The following RALGPS1 variants were observed in gnomAD, a reference collection of about 807,000 sequenced individuals.
RALGPS1 encodes Ral GEF with PH domain and SH3 binding motif 1, also known as ras-specific guanine nucleotide-releasing factor RalGPS1.
RALGPS1 carries 19 observed loss-of-function variants against 78.8 expected under a neutral mutation model. The observed-to-expected ratio is 0.24, with a 90% CI of 0.17 to 0.35. The LOEUF is 0.35. Ranked by LOEUF, RALGPS1 falls within the 10% of genes least tolerant of loss-of-function variation. The pLI is 1.00. For synonymous variants in RALGPS1, 228 were observed against 256.3 expected (o/e 0.89, Z 1.06); for missense variants, 454 against 688.3 (o/e 0.66, Z 3.81).
intron 8 of RALGPS1, chr9:127,107,810 C>A: frequency 8.2e-7 from 1 of 1,223,410 alleles, no homozygotes; most frequent in Non-Finnish European, 1.1e-6. Flanking sequence ...TGTCTTTGGC[C>A]TGGCTTCAAC....
chr9:127,215,483 AT>A (rs1337994358), intron 18 of RALGPS1, among the ~76,000 whole-genome samples: 2 of 152,202 alleles, frequency 1.3e-5, no homozygotes, highest in African/African-American at 2.4e-5. Context: ...TGTGAGGTAG[AT>A]TCTCTTACTG....
chr9:127,206,039 C>T (rs2061912868), intron 14 of RALGPS1, among the ~76,000 whole-genome samples: 1 of 152,306 alleles, frequency 6.6e-6, no homozygotes, highest in Non-Finnish European at 1.5e-5. Flanking sequence ...GAAGGGACAA[C>T]CCAGGGCCCA....
At chr9:126,963,098 G>T (rs1215246089) in intron 2 of RALGPS1, among the ~76,000 whole-genome samples, 1 of 152,208 alleles carries the variant, frequency 6.6e-6, no homozygotes, top group East Asian at 1.9e-4. Flanking sequence ...TTTAAGTAAA[G>T]CTGTTGCTGC....
At chr9:127,097,028 A>G (rs1208069086) in intron 8 of RALGPS1, among the ~76,000 whole-genome samples, 1 of 152,166 alleles carries the variant, frequency 6.6e-6, no homozygotes, top group East Asian at 1.9e-4. Flanking sequence ...TTTTCCCCCA[A>G]CCAGAACGAA....
At chr9:127,190,861 A>G (rs549907254) in intron 11 of RALGPS1, among the ~76,000 whole-genome samples, 2 of 152,358 alleles carry the variant, frequency 1.3e-5, no homozygotes, top group East Asian at 1.9e-4. Context: ...GCCCCAAACT[A>G]GAGTTCCTGT....
chr9:127,118,599 G>A (rs951838446), intron 8 of RALGPS1, among the ~76,000 whole-genome samples: 2 of 152,178 alleles, frequency 1.3e-5, no homozygotes, highest in African/African-American at 4.8e-5. Context: ...CTGACCCCCA[G>A]TTTCCACTTC....
At chr9:127,154,001 G>A (rs2058575743) in intron 8 of RALGPS1, among the ~76,000 whole-genome samples, 1 of 152,224 alleles carries the variant, frequency 6.6e-6, no homozygotes, top group Non-Finnish European at 1.5e-5. Context: ...AGTAGGTGTA[G>A]GCAGGCCTTC....
intron 5 of RALGPS1, among the ~76,000 whole-genome samples, chr9:127,041,548 G>A (rs1310891412): frequency 6.6e-6 from 1 of 152,122 alleles, no homozygotes; most frequent in Non-Finnish European, 1.5e-5. Context: ...TAGTATGTGT[G>A]TAGTAATCTT....
At chr9:127,137,743 A>G (rs2057498578) in intron 8 of RALGPS1, among the ~76,000 whole-genome samples, 1 of 152,210 alleles carries the variant, frequency 6.6e-6, no homozygotes, top group Admixed American at 6.5e-5. Flanking sequence ...GGGGAGATAC[A>G]TGGCGTGAGC....
chr9:126,966,543 GC>G (rs2039518282), intron 3 of RALGPS1, among the ~76,000 whole-genome samples: 1 of 127,162 alleles, frequency 7.9e-6, no homozygotes, highest in East Asian at 2.3e-4. Flanking sequence ...AAAAAAAAAA[GC>G]ATGTACAACA....
intron 8 of RALGPS1, among the ~76,000 whole-genome samples, chr9:127,156,289 G>A (rs533361915): frequency 5.9e-5 from 9 of 152,262 alleles, no homozygotes; most frequent in Admixed American, 2.0e-4. Context: ...ATTTGTAGTA[G>A]TATTGCTGTA....
intron 3 of RALGPS1, among the ~76,000 whole-genome samples, chr9:126,972,629 G>A (rs10819258): frequency 1.3e-5 from 2 of 152,090 alleles, no homozygotes; most frequent in African/African-American, 4.8e-5. Context: ...TCCAGCTGCT[G>A]ATTTGCAGAC....
At chr9:126,966,130 C>G (rs1193361216) in intron 3 of RALGPS1, among the ~76,000 whole-genome samples, 179 bp downstream of exon 3, 1 of 152,138 alleles carries the variant, frequency 6.6e-6, no homozygotes, top group African/African-American at 2.4e-5. Flanking sequence ...AGGATGCTGT[C>G]TTGAAATTAA....
chr9:126,992,559 C>T (rs2042375766), intron 4 of RALGPS1, among the ~76,000 whole-genome samples: 1 of 152,186 alleles, frequency 6.6e-6, no homozygotes, highest in Non-Finnish European at 1.5e-5. Context: ...AAGAAGTCTG[C>T]TGGGATTTTG....
At chr9:126,938,790 G>T (rs183336375) in intron 1 of RALGPS1, among the ~76,000 whole-genome samples, 3 of 152,360 alleles carry the variant, frequency 2.0e-5, no homozygotes, top group East Asian at 3.9e-4. Flanking sequence ...AAGTCTAGAT[G>T]CTCTAAAAGC....
At chr9:127,069,423 A>C (rs2049996622) in intron 8 of RALGPS1, 67 bp downstream of exon 8, 3 of 1,566,652 alleles carry the variant, frequency 1.9e-6, no homozygotes, top group Non-Finnish European at 2.6e-6. Flanking sequence ...ATGTTTTTAC[A>C]GTTTCTACCT....
At chr9:127,081,148 T>C (rs2051128688) in intron 8 of RALGPS1, among the ~76,000 whole-genome samples, 2 of 152,384 alleles carry the variant, frequency 1.3e-5, no homozygotes, top group South Asian at 4.1e-4. Flanking sequence ...GATATGAGTA[T>C]GCCTATTTTT....
chr9:127,108,818 A>G (rs1226947944), intron 8 of RALGPS1: 1 of 1,377,084 alleles, frequency 7.3e-7, no homozygotes, highest in African/African-American at 1.4e-5. Flanking sequence ...TGATGGTCCC[A>G]CCACTGTCAG....
chr9:127,131,526 C>T (rs1163448557), intron 8 of RALGPS1, among the ~76,000 whole-genome samples: 7 of 152,282 alleles, frequency 4.6e-5, no homozygotes, highest in African/African-American at 1.4e-4. Flanking sequence ...TCTCTTTGTC[C>T]GTCTTCCATT....
Sources: allele counts gnomAD v4.1 joint callset (sites outside exome capture counted in the v4.1 genomes callset), GRCh38; gene constraint gnomAD v4.1.1; transcripts MANE v1.5; gene names NCBI Gene and HGNC (gene_info 2026-07-23, HGNC 2026-07-21).